The following DENND4A variants were observed in gnomAD, a reference collection of about 807,000 sequenced individuals.
The protein encoded by DENND4A is DENN domain containing 4A.
In DENND4A, 70 loss-of-function variants were observed where a neutral mutation model predicts 199.3. The ratio of observed to expected loss-of-function variants is 0.35; its 90% CI spans 0.29 to 0.43. The LOEUF (loss-of-function observed/expected upper bound fraction) is 0.43. Among genes scored for constraint, DENND4A ranks in the 20% least tolerant of loss-of-function variants. The probability of loss-of-function intolerance (pLI) is 1.00; values close to 1 mark genes in which losing one functional copy is unlikely to be tolerated. For missense variants in DENND4A, 1,723 were observed against 2,255.8 expected, an observed-to-expected ratio of 0.76 and a Z score of 4.78; for synonymous variants, 686 against 766.9, an observed-to-expected ratio of 0.89 and a Z score of 1.74.
chr15:65,701,335 G>A (rs748028767), intron 18 of DENND4A, 143 bp from the exon 19 acceptor site: 3 of 677,732 alleles, frequency 4.4e-6, no homozygotes, highest in Non-Finnish European at 6.8e-6. Context: ...GGGAGGCTGA[G>A]GCAGGTGGAT....
chr15:65,688,978 T>C (rs930691334), intron 23 of DENND4A, among the ~76,000 whole-genome samples: 1 of 152,232 alleles, frequency 6.6e-6, no homozygotes, highest in Non-Finnish European at 1.5e-5. Context: ...TCCTAAAGAA[T>C]ATTTTTGTTG....
intron 9 of DENND4A, chr15:65,731,340 G>C (rs2075950787): frequency 2.4e-6 from 1 of 419,498 alleles, no homozygotes; most frequent in African/African-American, 2.0e-5. Flanking sequence ...GTTCTTCAGA[G>C]GTTAATTAAA....
intron 4 of DENND4A, among the ~76,000 whole-genome samples, chr15:65,743,199 C>T (rs900006580): frequency 6.6e-6 from 1 of 152,156 alleles, no homozygotes; most frequent in African/African-American, 2.4e-5. Context: ...CTATTCTGTT[C>T]AAAATCTCAG....
intron 2 of DENND4A, among the ~76,000 whole-genome samples, chr15:65,756,784 C>T (rs1190481983): frequency 2.0e-5 from 3 of 152,104 alleles, no homozygotes; most frequent in African/African-American, 4.8e-5. Flanking sequence ...GCCTGTAATC[C>T]CAGCACTTTG....
At chr15:65,710,370 T>C (rs2075208791) in intron 14 of DENND4A, among the ~76,000 whole-genome samples, 1 of 152,214 alleles carries the variant, frequency 6.6e-6, no homozygotes, top group Non-Finnish European at 1.5e-5. Flanking sequence ...AATAAATTTA[T>C]TGGCTAAAGC....
chr15:65,774,281 G>A (rs28501272), intron 1 of DENND4A, among the ~76,000 whole-genome samples: 29,999 of 151,818 alleles, frequency 0.2, 3,950 homozygotes, highest in East Asian at 0.73. Context: ...ACCTGAGGTG[G>A]GGAGTTTGAG....
chr15:65,718,754 T>C (rs1278446108), intron 12 of DENND4A, among the ~76,000 whole-genome samples: 1 of 144,920 alleles, frequency 6.9e-6, no homozygotes, highest in East Asian at 2.0e-4. Context: ...TTGCATGTTT[T>C]TTTTCCTTTT....
chr15:65,746,687 A>C (rs772993113), intron 4 of DENND4A, among the ~76,000 whole-genome samples: 3 of 151,122 alleles, frequency 2.0e-5, no homozygotes, highest in Non-Finnish European at 2.9e-5. Context: ...GCTCAATTCT[A>C]CTTTTCTAAG....
intron 15 of DENND4A, among the ~76,000 whole-genome samples, chr15:65,704,577 G>A (rs2074984430): frequency 6.6e-6 from 1 of 152,014 alleles, no homozygotes; most frequent in African/African-American, 2.4e-5. Context: ...GTCTTGCTAT[G>A]TTGCACAGGC....
intron 1 of DENND4A, among the ~76,000 whole-genome samples, chr15:65,776,256 T>C (rs2077280542): frequency 6.6e-6 from 1 of 152,206 alleles, no homozygotes; most frequent in African/African-American, 2.4e-5. Flanking sequence ...TAAAGAATGA[T>C]GTGATGTATT....
At chr15:65,689,187 C>T (rs965532097) in intron 23 of DENND4A, among the ~76,000 whole-genome samples, 1 of 152,048 alleles carries the variant, frequency 6.6e-6, no homozygotes, top group African/African-American at 2.4e-5. Flanking sequence ...TTAATACATT[C>T]CAATTATCTA....
At position 65,669,461 on chromosome 15, in the gene DENND4A, T is replaced by C. The variant is rs376354896; in HGVS notation, c.4787+318A>G. Reference sequence around the variant, plus strand: ...AGTATTGACTTAATTCCTGAAGAGATAGAGACAAGAAAAAAGATAGTCATT... The same window carrying C: ...AGTATTGACTTAATTCCTGAAGAGACAGAGACAAGAAAAAAGATAGTCATT... On this transcript the variant is annotated intron_variant, in intron 27 of 32. Coordinates refer to ENST00000443035, the MANE Select transcript of DENND4A (RefSeq NM_001320835.1). Among the ~76,000 whole-genome samples, 8 of 152,254 alleles carry C rather than the reference T, an allele frequency of 5.3e-5. No homozygotes were observed. The East Asian group carries it at 7.7e-4, about 15-fold the overall frequency.
intron 23 of DENND4A, among the ~76,000 whole-genome samples, chr15:65,685,631 T>C (rs955990410): frequency 1.6e-4 from 25 of 152,370 alleles, no homozygotes; most frequent in African/African-American, 5.0e-4. Flanking sequence ...GTAAATGCTA[T>C]GTAAATAGTT....
chr15:65,706,893 A>AT (rs1247824489), intron 14 of DENND4A, among the ~76,000 whole-genome samples: 1 of 152,216 alleles, frequency 6.6e-6, no homozygotes, highest in Non-Finnish European at 1.5e-5. Flanking sequence ...CAAGGATGGA[A>AT]TAGGACCCAG....
At chr15:65,692,623 T>C (rs1344137792) in intron 22 of DENND4A, among the ~76,000 whole-genome samples, 1 of 152,166 alleles carries the variant, frequency 6.6e-6, no homozygotes, top group African/African-American at 2.4e-5. Context: ...TTAATAAGGA[T>C]ATACCGTTAA....
At chr15:65,732,651 T>C (rs1466049687) in intron 8 of DENND4A, 101 bp downstream of exon 8, 4 of 713,120 alleles carry the variant, frequency 5.6e-6, no homozygotes, top group Non-Finnish European at 9.3e-6. Flanking sequence ...CTAAATCTCA[T>C]TAGGTTTTTT....
chr15:65,774,518 G>T (rs28533914), intron 1 of DENND4A, among the ~76,000 whole-genome samples: 1 of 150,132 alleles, frequency 6.7e-6, no homozygotes, highest in Non-Finnish European at 1.5e-5. Flanking sequence ...AAATAAAAAA[G>T]TTAGCCAGGC....
chr15:65,779,836 G>C (rs2077389226), intron 1 of DENND4A, among the ~76,000 whole-genome samples: 1 of 152,110 alleles, frequency 6.6e-6, no homozygotes, highest in South Asian at 2.1e-4. Flanking sequence ...TTTTAGTAGA[G>C]ATGGGGTTTT....
intron 1 of DENND4A, among the ~76,000 whole-genome samples, chr15:65,767,568 A>T (rs2140843183): frequency 6.6e-6 from 1 of 152,298 alleles, no homozygotes; most frequent in Middle Eastern, 3.4e-3. Flanking sequence ...TGCCTCCCAT[A>T]AAATGCTGGG....
Sources: allele counts gnomAD v4.1 joint callset (sites outside exome capture counted in the v4.1 genomes callset), GRCh38; gene constraint gnomAD v4.1.1; transcripts MANE v1.5; gene names NCBI Gene and HGNC (gene_info 2026-07-23, HGNC 2026-07-21).